MACF1: variants seen among roughly 807,000 people sequenced by gnomAD.
MACF1 encodes microtubule-actin cross-linking factor 1.
A neutral mutation model predicts 854.8 loss-of-function variants in MACF1; 193 were observed. The observed-to-expected ratio is 0.23, with a 90% CI of 0.20 to 0.25. The LOEUF (loss-of-function observed/expected upper bound fraction) is 0.25, where lower values mean the gene tolerates loss of function less well. MACF1 is among the 10% of genes least tolerant of loss of function. The probability of loss-of-function intolerance (pLI) is 1.00; values close to 1 mark genes in which losing one functional copy is unlikely to be tolerated. For missense variants in MACF1, 7,722 were observed against 8,929.1 expected (o/e 0.86, Z 5.45); for synonymous variants, 3,185 against 3,226.7 (o/e 0.99, Z 0.44).
chr1:39,130,424 T>C (rs1642969954), intron 2 of MACF1, among the ~76,000 whole-genome samples: 1 of 152,214 alleles, frequency 6.6e-6, no homozygotes, highest in African/African-American at 2.4e-5. Flanking sequence ...TTTTGGCCTA[T>C]GGGAATGATG....
Position 39,453,806 on chromosome 1 carries a change from A to G in MACF1, c.20842A>G (p.Thr6948Ala), listed in dbSNP as rs574309386. The G allele has an allele frequency of 2.5e-5, 40 of 1,614,102 alleles. No individual in the cohort carries two copies. Among genetic ancestry groups the G allele is most frequent in the Admixed American group, 1.0e-4 (6 of 59,994 alleles). Reference sequence around the variant, plus strand: ...TGTCTGCCACCCCGATTGCATCACAACCATCAAACACTGGATCACCATCAT... The same window carrying G: ...TGTCTGCCACCCCGATTGCATCACAGCCATCAAACACTGGATCACCATCAT... ...LAVCHPDCIT[T>A]IKHWITIIRA... Residue 6948 changes from threonine to alanine, a missense_variant, in exon 88 of 101, where the codon ACC becomes GCC. Coordinates refer to ENST00000564288, the MANE Select transcript of MACF1 (RefSeq NM_001394062.1).
At position 39,249,705 on chromosome 1, in the gene MACF1, TC is replaced by T. The variant is rs570803537; in HGVS notation, c.172-307del. ...CTATTACATTTTGGCTCATAGTAAC[TC>T]CTAAGATGTCTCAGGATAATTAAGA... is the stretch of plus-strand genomic sequence containing the variant. On this transcript the variant is annotated intron_variant, in intron 2 of 100. Coordinates refer to ENST00000564288, the MANE Select transcript of MACF1 (RefSeq NM_001394062.1). 4 of 220,846 alleles carry T rather than the reference TC, an allele frequency of 1.8e-5. No homozygotes were observed. The East Asian group carries it at 5.1e-4, about 28-fold the overall frequency. The allele number at this position is 220,846 out of a possible 1,614,324, so 13.7% of individuals were successfully genotyped here.
At chr1:39,102,800 C>G (rs1244256415) in intron 2 of MACF1, 1 of 702,512 alleles carries the variant, frequency 1.4e-6, no homozygotes, top group East Asian at 2.7e-5. Flanking sequence ...AATCAAAGAC[C>G]AAAAGGAGAA....
intron 17 of MACF1, among the ~76,000 whole-genome samples, 195 bp downstream of exon 17, chr1:39,293,038 G>A (rs1571281877): frequency 6.6e-6 from 1 of 152,286 alleles, no homozygotes; most frequent in South Asian, 2.1e-4. Flanking sequence ...AGAAACTACT[G>A]TTCTTGAACG....
intron 38 of MACF1, among the ~76,000 whole-genome samples, chr1:39,339,328 A>G (rs896519155): frequency 3.3e-5 from 5 of 152,218 alleles, no homozygotes; most frequent in Non-Finnish European, 7.3e-5. Context: ...AACAACAAAA[A>G]TAGATTGAAA....
chr1:39,138,794 A>G (rs1643251491), intron 2 of MACF1, among the ~76,000 whole-genome samples: 1 of 151,818 alleles, frequency 6.6e-6, no homozygotes, highest in Admixed American at 6.6e-5. Flanking sequence ...CCTCCTGAGT[A>G]GCTGGGATTA....
chr1:39,278,866 G>A (rs576035404), intron 6 of MACF1, among the ~76,000 whole-genome samples: 31 of 152,220 alleles, frequency 2.0e-4, no homozygotes, highest in Admixed American at 5.2e-4. Flanking sequence ...CCAGCCCCAG[G>A]TAGATCTGGA....
chr1:39,447,868 A>T lies in MACF1; in HGVS notation c.19938A>T (p.Ser6646=). ...VVQRSIERGR[S]LDDARKRAKQ... The stretch of plus-strand genomic sequence containing the variant: ...AGCGATCTATTGAAAGAGGGCGATC[A>T]CTAGATGATGCCAGGAAGCGGGCAA... The change falls in exon 82 of 101, where the codon TCA becomes TCT. Residue 6646 remains serine, a synonymous_variant. Coordinates refer to ENST00000564288, the MANE Select transcript of MACF1 (RefSeq NM_001394062.1). 3 of 1,614,106 alleles carry T rather than the reference A, an allele frequency of 1.9e-6. No individual in the cohort carries two copies. Among genetic ancestry groups the T allele is most frequent in the Non-Finnish European group, 2.5e-6 (3 of 1,180,020 alleles).
At chr1:39,276,583 C>G (rs1019978058) in intron 6 of MACF1, among the ~76,000 whole-genome samples, 2 of 152,110 alleles carry the variant, frequency 1.3e-5, no homozygotes, top group Admixed American at 6.5e-5. Flanking sequence ...TCCTTTCTTC[C>G]TTGGCTTTCA....
rs569667395 is a variant in MACF1, at chr1:39,185,936, G to A, written c.221-45246G>A. On this transcript the variant is annotated intron_variant, in intron 2 of 93. Transcript: ENST00000361689. ...TGTATTTGATTTGGGAGCCCCCTGA[G>A]GGTAATCTGTGGTGATGCTGTTTCA... Among the ~76,000 whole-genome samples the A allele has an allele frequency of 9.9e-5, 15 of 152,224 alleles. No homozygotes were observed. The South Asian group carries it at 3.1e-3, about 32-fold the overall frequency.
At chr1:39,102,426 A>G in intron 2 of MACF1, among the ~76,000 whole-genome samples, 1 of 32,816 alleles carries the variant, frequency 3.0e-5, no homozygotes, top group Non-Finnish European at 6.5e-5. Flanking sequence ...GGACCTATTA[A>G]TTGGAGGCGG....
Position 39,430,008 on chromosome 1 carries a change from A to C in MACF1, c.17070A>C (p.Ala5690=). The change falls in exon 65 of 101, where the codon GCA becomes GCC. Residue 5690 remains alanine, a synonymous_variant. Coordinates refer to ENST00000564288, the MANE Select transcript of MACF1 (RefSeq NM_001394062.1). ...GWLREVEEEL[A]TSGGQSPTGE... The stretch of plus-strand genomic sequence containing the variant: ...TGAGGGAGGTGGAGGAGGAGCTGGC[A>C]ACCAGTGGAGGACAGTCTCCCACAG... The C allele has an allele frequency of 6.2e-7, 1 of 1,613,950 alleles. No individual in the cohort carries two copies. Among genetic ancestry groups the C allele is most frequent in the Non-Finnish European group, 8.5e-7 (1 of 1,179,920 alleles).
At chr1:39,275,026 A>G (rs1645405898) in intron 6 of MACF1, among the ~76,000 whole-genome samples, 1 of 152,178 alleles carries the variant, frequency 6.6e-6, no homozygotes, top group African/African-American at 2.4e-5. Context: ...TCATATACAT[A>G]AGAAGACTCC....
intron 2 of MACF1, among the ~76,000 whole-genome samples, chr1:39,146,496 A>C (rs908976935): frequency 6.6e-6 from 1 of 152,088 alleles, no homozygotes; most frequent in African/African-American, 2.4e-5. Context: ...CATATACACA[A>C]TAGAGTACTA....
At chr1:39,473,898 G>A (rs746441000) in intron 97 of MACF1, among the ~76,000 whole-genome samples, 5 of 152,188 alleles carry the variant, frequency 3.3e-5, no homozygotes, top group Non-Finnish European at 5.9e-5. Flanking sequence ...AAAATGAATG[G>A]TTGAGAGAGC....
At chr1:39,459,342 T>A in intron 91 of MACF1, 93 bp downstream of exon 91, 1 of 1,330,296 alleles carries the variant, frequency 7.5e-7, no homozygotes, top group Non-Finnish European at 1.0e-6. Flanking sequence ...GAACCTTGTG[T>A]CTTAATTTAC....
At chr1:39,211,905 C>T (rs942667248) in intron 1 of MACF1, among the ~76,000 whole-genome samples, 13 of 151,404 alleles carry the variant, frequency 8.6e-5, no homozygotes, top group Admixed American at 3.3e-4. Context: ...TGACAGAACC[C>T]AATACAGAGG....
chr1:39,465,300 A>G (rs962456637), intron 95 of MACF1, among the ~76,000 whole-genome samples, 188 bp downstream of exon 95: 1 of 152,010 alleles, frequency 6.6e-6, no homozygotes, highest in Non-Finnish European at 1.5e-5. Context: ...AAAAGAATAT[A>G]AGTATAATTT....
chr1:39,419,806 T>C (rs1044087837), intron 58 of MACF1, among the ~76,000 whole-genome samples: 9 of 141,632 alleles, frequency 6.4e-5, no homozygotes, highest in Middle Eastern at 3.5e-3. Context: ...CTAGTGTGTG[T>C]GTGTGTGTGT....
Sources: allele counts gnomAD v4.1 joint callset (sites outside exome capture counted in the v4.1 genomes callset), GRCh38; gene constraint gnomAD v4.1.1; transcripts MANE v1.5; gene names NCBI Gene and HGNC (gene_info 2026-07-23, HGNC 2026-07-21).